UBE2M: variants seen among roughly 807,000 people sequenced by gnomAD.
UBE2M encodes the protein NEDD8-conjugating enzyme Ubc12.
Under a neutral mutation model 23.5 loss-of-function variants are expected in UBE2M, and 2 were observed. That is an observed-to-expected ratio of 0.09 (90% CI 0.03 to 0.27). The LOEUF (loss-of-function observed/expected upper bound fraction) is 0.27, where lower values mean the gene tolerates loss of function less well. UBE2M is among the 10% of genes least tolerant of loss of function. The pLI, the probability that UBE2M is intolerant of heterozygous loss-of-function variation, is 1.00. For missense variants in UBE2M, 103 were observed against 232.9 expected (o/e 0.44, Z 3.63); for synonymous variants, 97 against 95.2 (o/e 1.02, Z -0.11).
At position 58,558,355 on chromosome 19, in the gene UBE2M, C is replaced by T. The variant is rs760325010; in HGVS notation, c.27G>A (p.Gln9=). 10 of 1,588,930 alleles carry T rather than the reference C, an allele frequency of 6.3e-6. No homozygotes were observed. Among genetic ancestry groups the T allele is most frequent in the South Asian group, 1.1e-5 (1 of 89,058 alleles). The change falls in exon 1 of 6, where the codon CAG becomes CAA. Residue 9 remains glutamine (Q), a synonymous_variant. Transcript: ENST00000253023. This position sits in a 1 kb window ranked among gnomAD's most constrained non-coding sequence, Gnocchi z 4.7. ...CCGCCGACTCCTCCTCCTTCTTCTGCTGCTTCAGCGAGAACAGCTTGATCA... is the reference window on the plus strand; with the variant it reads ...CCGCCGACTCCTCCTCCTTCTTCTGTTGCTTCAGCGAGAACAGCTTGATCA... The part of the protein sequence containing the change: MIKLFSLK[Q]QKKEEESAGG...
Position 58,555,735 on chromosome 19 carries a change from G to A in UBE2M, c.*354C>T, listed in dbSNP as rs964453360. The A allele has an allele frequency of 6.6e-6, 2 of 304,698 alleles. No individual in the cohort carries two copies. The highest frequency in any genetic ancestry group is 1.3e-5 in the Non-Finnish European group (2 of 156,990). 18.9% of individuals were successfully genotyped at this position (304,698 alleles called of 1,614,324 possible). On this transcript the variant is annotated 3_prime_UTR_variant, in exon 6 of 6. Coordinates refer to ENST00000253023, the MANE Select transcript of UBE2M (RefSeq NM_003969.4). ...CATGCAGTAACATTCCCCTTTAATAGCCTGGTGGGACCTCCAGAGGTGGAG... is the reference window on the plus strand; with the variant it reads ...CATGCAGTAACATTCCCCTTTAATAACCTGGTGGGACCTCCAGAGGTGGAG...
In UBE2M at chr19:58,555,955, AG is replaced by A. The variant is rs2053887120; in HGVS notation, c.*133del. The A allele has an allele frequency of 7.9e-7, 1 of 1,262,176 alleles. No individual in the cohort carries two copies. Among genetic ancestry groups the A allele is most frequent in the African/African-American group, 1.5e-5 (1 of 65,626 alleles). The allele number at this position is 1,262,176 out of a possible 1,614,324, so 78.2% of individuals were successfully genotyped here. A position where few individuals can be genotyped will look rare whatever the true frequency, so the allele number is the denominator to read the frequency against. ...AAAAAAATAACTAGGGGCACGTGGC[AG>A]GAAGGGGAGGCAAGGCCAAGGCAGG... is the stretch of plus-strand genomic sequence containing the variant. On this transcript the variant is annotated 3_prime_UTR_variant, in exon 6 of 6. Transcript: ENST00000253023.
In UBE2M at chr19:58,556,934, G is replaced by C. The variant is rs530978456; in HGVS notation, c.205-4C>G. The C allele has an allele frequency of 6.2e-7, 1 of 1,613,932 alleles. No individual in the cohort carries two copies. The highest frequency in any genetic ancestry group is 1.7e-5 in the Admixed American group (1 of 59,994). On this transcript the variant is annotated splice_polypyrimidine_tract_variant and splice_region_variant and intron_variant, in intron 2 of 5. Coordinates refer to ENST00000253023, the MANE Select transcript of UBE2M (RefSeq NM_003969.4). This position sits in a 1 kb window ranked among gnomAD's most constrained non-coding sequence, Gnocchi z 4.9. ...ACTTCCCACTCTTGTAGAAGCCCTG[G>C]GAGGAAAAGGGGGAGAAGAAAATTT...
Position 58,557,161 on chromosome 19 carries a change from G to C in UBE2M, c.110-4C>G. 2.5e-6 allele frequency: 4 copies of C among 1,613,762 alleles called. No individual in the cohort carries two copies. Among genetic ancestry groups the C allele is most frequent in the Non-Finnish European group, 3.4e-6 (4 of 1,179,924 alleles). The stretch of plus-strand genomic sequence containing the variant: ...GGCAGGTTCAGCTCGTTTATGTCTG[G>C]GTTTGGGTAGCAGAGAGTCGGGAAC... On this transcript the variant is annotated splice_region_variant and splice_polypyrimidine_tract_variant and intron_variant, in intron 1 of 5. Transcript: ENST00000253023.
Position 58,555,872 on chromosome 19 carries a change from C to G in UBE2M, c.*217G>C. 1.6e-6 allele frequency: 1 copy of G among 615,744 alleles called. No homozygotes were observed. Among genetic ancestry groups the G allele is most frequent in the East Asian group, 2.9e-5 (1 of 34,962 alleles). 38.1% of individuals were successfully genotyped at this position (615,744 alleles called of 1,614,324 possible). A position where few individuals can be genotyped will look rare whatever the true frequency, so the allele number is the denominator to read the frequency against. On this transcript the variant is annotated 3_prime_UTR_variant, in exon 6 of 6. Coordinates refer to ENST00000253023, the MANE Select transcript of UBE2M (RefSeq NM_003969.4). ...GGGGCTAGACAAGCCAATTCATTTC[C>G]CATCGCTGAGTGGGTCGGGGGAGGC...
At chr19:58,557,182 G>T in intron 1 of UBE2M, 25 bp from the exon 2 acceptor site, 1 of 1,609,142 alleles carries the variant, frequency 6.2e-7, no homozygotes, top group Non-Finnish European at 8.5e-7. Flanking sequence ...CAGAGAGTCG[G>T]GAACAGAAAG....
rs889122696 is a variant in UBE2M at position 58,558,081 on chromosome 19, C to T, written c.109+192G>A. ...TATCCTAAACCACCACATACCGGGCCCCTATCTCTGACCCCCTCCCCGTGA... is the reference window on the plus strand; with the variant it reads ...TATCCTAAACCACCACATACCGGGCTCCTATCTCTGACCCCCTCCCCGTGA... On this transcript the variant is annotated intron_variant, in intron 1 of 5. Transcript: ENST00000253023. This position sits in a 1 kb window ranked among gnomAD's most constrained non-coding sequence, Gnocchi z 4.7. Among the ~76,000 whole-genome samples, 1 of 151,832 alleles carries T rather than the reference C, an allele frequency of 6.6e-6. No homozygotes were observed. Among genetic ancestry groups the T allele is most frequent in the African/African-American group, 2.4e-5 (1 of 41,314 alleles).
At chr19:58,557,287 C>A in intron 1 of UBE2M, 130 bp from the exon 2 acceptor site, 1 of 902,376 alleles carries the variant, frequency 1.1e-6, no homozygotes, top group Non-Finnish European at 1.8e-6. Flanking sequence ...GACCCCCAGG[C>A]GCCTCTCCTG....
Position 58,556,963 on chromosome 19 carries a change from G to T in UBE2M, c.205-33C>A. The stretch of plus-strand genomic sequence containing the variant: ...GAAAAGGGGGAGAAGAAAATTTTAG[G>T]GTTCCATCCTGTGGGGCCCGATGGG... On this transcript the variant is annotated intron_variant, in intron 2 of 5. Transcript: ENST00000253023. The surrounding 1 kb of genome is among the most constrained non-coding windows in gnomAD (Gnocchi z 4.9). The T allele has an allele frequency of 6.2e-7, 1 of 1,613,978 alleles. No homozygotes were observed. The highest frequency in any genetic ancestry group is 8.5e-7 in the Non-Finnish European group (1 of 1,179,976).
rs2053884997 is a variant in UBE2M, at chr19:58,555,783, T to TACCCAGGCCCGTTGCCCACCC, written c.*285_*305dup. ...GAGGGGTGGGTTGCCTGGGCCCAGCTACCCAGGCCCGTTGCCCACCCACTC... is the reference window on the plus strand; with the variant it reads ...GAGGGGTGGGTTGCCTGGGCCCAGCTACCCAGGCCCGTTGCCCACCCACCCAGGCCCGTTGCCCACCCACTC... On this transcript the variant is annotated 3_prime_UTR_variant, in exon 6 of 6. Coordinates refer to ENST00000253023, the MANE Select transcript of UBE2M (RefSeq NM_003969.4). 1 of 391,924 alleles carries TACCCAGGCCCGTTGCCCACCC rather than the reference T, an allele frequency of 2.6e-6. No individual in the cohort carries two copies. The highest frequency in any genetic ancestry group is 2.0e-5 in the African/African-American group (1 of 49,850). 24.3% of individuals were successfully genotyped at this position (391,924 alleles called of 1,614,324 possible).
chr19:58,555,978 C>T lies in UBE2M; in HGVS notation c.*111G>A. The T allele has an allele frequency of 6.9e-7, 1 of 1,441,870 alleles. No individual in the cohort carries two copies. The highest frequency in any genetic ancestry group is 2.5e-5 in the East Asian group (1 of 40,768). The allele number at this position is 1,441,870 out of a possible 1,614,324, so 89.3% of individuals were successfully genotyped here. The stretch of plus-strand genomic sequence containing the variant: ...GCAGGAAGGGGAGGCAAGGCCAAGG[C>T]AGGGGATTCCCCCACCGGCCGCCCC... On this transcript the variant is annotated 3_prime_UTR_variant, in exon 6 of 6. Coordinates refer to ENST00000253023, the MANE Select transcript of UBE2M (RefSeq NM_003969.4).
At position 58,556,416 on chromosome 19, in the gene UBE2M, G is replaced by A. The variant is rs747416978; in HGVS notation, c.348-37C>T. The A allele has an allele frequency of 6.2e-7, 1 of 1,606,278 alleles. No individual in the cohort carries two copies. ...GAGCATCAGGGTCAGGGCTTGGTGAGTGGGAGACTGCCACAGGCCCCTCTG... is the reference window on the plus strand; with the variant it reads ...GAGCATCAGGGTCAGGGCTTGGTGAATGGGAGACTGCCACAGGCCCCTCTG... On this transcript the variant is annotated intron_variant, in intron 4 of 5. Coordinates refer to ENST00000253023, the MANE Select transcript of UBE2M (RefSeq NM_003969.4). The surrounding 1 kb of genome is among the most constrained non-coding windows in gnomAD (Gnocchi z 4.9).
At position 58,556,250 on chromosome 19, in the gene UBE2M, G is replaced by T; in HGVS notation, c.412-21C>A. ...GGCTCCTGTGGCCAGTACAGGTAGGGGGGGTCAACAGGCCAGAGGGACAGA... is the reference window on the plus strand; with the variant it reads ...GGCTCCTGTGGCCAGTACAGGTAGGTGGGGTCAACAGGCCAGAGGGACAGA... On this transcript the variant is annotated intron_variant, in intron 5 of 5. Coordinates refer to ENST00000253023, the MANE Select transcript of UBE2M (RefSeq NM_003969.4). The surrounding 1 kb of genome is among the most constrained non-coding windows in gnomAD (Gnocchi z 4.9). The T allele has an allele frequency of 1.2e-6, 2 of 1,613,976 alleles. No homozygotes were observed. Among genetic ancestry groups the T allele is most frequent in the Non-Finnish European group, 1.7e-6 (2 of 1,179,840 alleles).
chr19:58,557,835 C>T (rs767854799), intron 1 of UBE2M, among the ~76,000 whole-genome samples: 1 of 151,932 alleles, frequency 6.6e-6, no homozygotes, highest in Non-Finnish European at 1.5e-5. Context: ...ACCTACTTCA[C>T]CCGTTTGACT....
At position 58,556,039 on chromosome 19, in the gene UBE2M, C is replaced by T. The variant is rs780129119; in HGVS notation, c.*50G>A. 3.8e-6 allele frequency: 6 copies of T among 1,578,578 alleles called. No individual in the cohort carries two copies. Among genetic ancestry groups the T allele is most frequent in the Non-Finnish European group, 1.7e-6 (2 of 1,156,574 alleles). Reference sequence around the variant, plus strand: ...ACCCATGGCCCCCAATAAATATTTGCAGGGGATGCCAGGGCTTGTGGCCGT... The same window carrying T: ...ACCCATGGCCCCCAATAAATATTTGTAGGGGATGCCAGGGCTTGTGGCCGT... On this transcript the variant is annotated 3_prime_UTR_variant, in exon 6 of 6. Coordinates refer to ENST00000253023, the MANE Select transcript of UBE2M (RefSeq NM_003969.4). This position sits in a 1 kb window ranked among gnomAD's most constrained non-coding sequence, Gnocchi z 4.9.
intron 1 of UBE2M, among the ~76,000 whole-genome samples, chr19:58,557,697 C>A (rs971793847): frequency 1.3e-5 from 2 of 149,398 alleles, no homozygotes; most frequent in African/African-American, 5.0e-5. Flanking sequence ...GTTCACAGCA[C>A]AATAGCCTAA....
In UBE2M at chr19:58,558,166, A is replaced by G. The variant is rs184207233; in HGVS notation, c.109+107T>C. ...ACCCCCCCCACGCTCGGGGCCCTTCACCTCTGACCCTCAGCAACCGCATTA... is the reference window on the plus strand; with the variant it reads ...ACCCCCCCCACGCTCGGGGCCCTTCGCCTCTGACCCTCAGCAACCGCATTA... On this transcript the variant is annotated intron_variant, in intron 1 of 5. Coordinates refer to ENST00000253023, the MANE Select transcript of UBE2M (RefSeq NM_003969.4). The surrounding 1 kb of genome is among the most constrained non-coding windows in gnomAD (Gnocchi z 4.7). 3,772 of 821,806 alleles carry G rather than the reference A, an allele frequency of 4.6e-3. 16 individuals are homozygous for G. Among genetic ancestry groups the G allele is most frequent in the Non-Finnish European group, 5.8e-3 (3,312 of 571,454 alleles). 50.9% of individuals were successfully genotyped at this position (821,806 alleles called of 1,614,324 possible).
Position 58,556,525 on chromosome 19 carries a change from G to A in UBE2M, c.348-146C>T. On this transcript the variant is annotated intron_variant, in intron 4 of 5. Coordinates refer to ENST00000253023, the MANE Select transcript of UBE2M (RefSeq NM_003969.4). The surrounding 1 kb of genome is among the most constrained non-coding windows in gnomAD (Gnocchi z 4.9). ...AGGGTGTGGAGCAGGACAGGCCAAGGAGAAAACCAAGGTCAGGCCATGAGG... is the reference window on the plus strand; with the variant it reads ...AGGGTGTGGAGCAGGACAGGCCAAGAAGAAAACCAAGGTCAGGCCATGAGG... 1 of 1,086,446 alleles carries A rather than the reference G, an allele frequency of 9.2e-7. No individual in the cohort carries two copies. Among genetic ancestry groups the A allele is most frequent in the East Asian group, 2.6e-5 (1 of 39,130 alleles). The allele number at this position is 1,086,446 out of a possible 1,614,324, so 67.3% of individuals were successfully genotyped here.
Position 58,558,391 on chromosome 19 carries a change from G to T in UBE2M, c.-10C>A. ...AGAACAGCTTGATCATCCTGCCGCC[G>T]CCGCCGCCGCTGCCGCCGCCGCGGG... is the stretch of plus-strand genomic sequence containing the variant. On this transcript the variant is annotated 5_prime_UTR_variant, in exon 1 of 6. Transcript: ENST00000253023. This position sits in a 1 kb window ranked among gnomAD's most constrained non-coding sequence, Gnocchi z 4.7. 1 of 1,371,408 alleles carries T rather than the reference G, an allele frequency of 7.3e-7. No homozygotes were observed. 85.0% of individuals were successfully genotyped at this position (1,371,408 alleles called of 1,614,324 possible).
Sources: gnomAD v4.1 joint callset for allele counts (sites outside exome capture counted in the v4.1 genomes callset) on GRCh38, gnomAD v4.1.1 for gene constraint, Gnocchi (gnomAD v3.1) non-coding constraint, MANE v1.5 for transcripts, NCBI Gene and HGNC (gene_info 2026-07-23, HGNC 2026-07-21) for gene names.